The following PHLDB2 variants were observed in gnomAD, a reference collection of about 807,000 sequenced individuals.
PHLDB2 encodes pleckstrin homology like domain family B member 2.
A neutral mutation model predicts 123.6 loss-of-function variants in PHLDB2; 71 were observed. That is an observed-to-expected ratio of 0.57 (90% confidence interval 0.47 to 0.70). PHLDB2 has a LOEUF of 0.70. Among genes scored for constraint, PHLDB2 ranks in the 30% least tolerant of loss-of-function variants. The probability of loss-of-function intolerance (pLI) is 0.00; values close to 1 mark genes in which losing one functional copy is unlikely to be tolerated. For missense variants in PHLDB2, 1,446 were observed against 1,519.5 expected, an observed-to-expected ratio of 0.95 and a Z score of 0.80; for synonymous variants, 547 against 541.6, an observed-to-expected ratio of 1.01 and a Z score of -0.14.
chr3:111,913,505 T>G lies in PHLDB2; in HGVS notation c.1522T>G (p.Cys508Gly), dbSNP rs1326004050. ...CATGAGCCCTGACACAAGATACAGG[T>G]GCCACCGGAAAGACTCCCTCCCTGA... ...ALMSPDTRYRCHRKDSLPDAD... is the reference protein window; with the variant it reads ...ALMSPDTRYRGHRKDSLPDAD... Residue 508 changes from cysteine (C) to glycine (G), a missense_variant, in exon 3 of 18, where the codon TGC becomes GGC. By Grantham distance (159) the Cys-to-Gly change is radical (BLOSUM62 -3). Transcript: ENST00000431670. 1.9e-6 allele frequency: 3 copies of G among 1,613,936 alleles called. No individual in the cohort carries two copies. The highest frequency in any genetic ancestry group is 2.5e-6 in the Non-Finnish European group (3 of 1,179,986).
intron 2 of PHLDB2, among the ~76,000 whole-genome samples, chr3:111,886,437 A>AT (rs969019393): frequency 1.2e-4 from 16 of 135,786 alleles, no homozygotes; most frequent in African/African-American, 2.8e-4. Context: ...ACATTATGAG[A>AT]TTTTTTTTGC....
intron 12 of PHLDB2, among the ~76,000 whole-genome samples, chr3:111,961,615 TGA>T (rs755164246): frequency 7.2e-5 from 11 of 152,176 alleles, no homozygotes; most frequent in Non-Finnish European, 1.6e-4. Flanking sequence ...AGTGATGATA[TGA>T]GATACGAGTT....
intron 1 of PHLDB2, among the ~76,000 whole-genome samples, chr3:111,867,584 A>C (rs1396294059): frequency 6.6e-6 from 1 of 152,206 alleles, no homozygotes; most frequent in African/African-American, 2.4e-5. Flanking sequence ...AATAATTTAC[A>C]ATGTAACTCT....
At chr3:111,858,005 G>A (rs184432075), upstream of PHLDB2, among the ~76,000 whole-genome samples, 1 of 152,264 alleles carries the variant, frequency 6.6e-6, no homozygotes, top group Non-Finnish European at 1.5e-5. Flanking sequence ...ACATACAAAC[G>A]TATGTTTATT....
chr3:111,884,541 A>G lies in PHLDB2; in HGVS notation c.464A>G (p.His155Arg), dbSNP rs367884666. 4.3e-6 allele frequency: 7 copies of G among 1,614,092 alleles called. No homozygotes were observed. The African/African-American group carries it at 6.7e-5, about 15-fold the overall frequency. Residue 155 changes from histidine to arginine, a missense_variant, in exon 2 of 18, where the codon CAT becomes CGT. Transcript: ENST00000431670. ...CCCTATTCCAAATATAGCTCAAGGC[A>G]TAAATCGCATGACAATGTCTACTCT... ...KPPYSKYSSR[H>R]KSHDNVYSLG...
intron 2 of PHLDB2, among the ~76,000 whole-genome samples, chr3:111,911,246 A>C (rs920020004): frequency 6.6e-6 from 1 of 152,198 alleles, no homozygotes; most frequent in Non-Finnish European, 1.5e-5. Context: ...GATAATCCCA[A>C]ATATTTATGC....
chr3:111,773,495 C>T (rs1238945690), intron 1 of PHLDB2, among the ~76,000 whole-genome samples: 1 of 152,202 alleles, frequency 6.6e-6, no homozygotes, highest in East Asian at 1.9e-4. Flanking sequence ...TTCCTGACTT[C>T]TGATAGCTGT....
Position 111,969,731 on chromosome 3 carries a change from C to T in PHLDB2, c.3357C>T (p.Asp1119=), listed in dbSNP as rs774854. Reference sequence around the variant, plus strand: ...GCTACCTGCCTGTCCGGAAGGAAGACTTTGATTTGCGGAGCCATGTAGAGA... The same window carrying T: ...GCTACCTGCCTGTCCGGAAGGAAGATTTTGATTTGCGGAGCCATGTAGAGA... ...LTRYLPVRKE[D]FDLRSHVETA... Residue 1119 remains aspartate, a synonymous_variant, in exon 16 of 18, where the codon GAC becomes GAT. Coordinates refer to ENST00000431670, the MANE Select transcript of PHLDB2 (RefSeq NM_001134438.2). The T allele has an allele frequency of 0.19, 303,853 of 1,613,534 alleles. 29,944 individuals carry two copies. The highest frequency in any genetic ancestry group is 0.29 in the African/African-American group (21,583 of 74,956).
At chr3:111,919,266 A>G in intron 4 of PHLDB2, 51 bp downstream of exon 4, 1 of 1,588,578 alleles carries the variant, frequency 6.3e-7, no homozygotes, top group Non-Finnish European at 8.6e-7. Context: ...CAGCTTAAAA[A>G]TATTGCTACT....
intron 12 of PHLDB2, chr3:111,961,886 A>G (rs2071431340): frequency 1.9e-6 from 1 of 523,966 alleles, no homozygotes. Context: ...GTGTCAAGTG[A>G]TCCTGCTGAG....
rs1433512679 is a variant in PHLDB2 at position 111,859,552 on chromosome 3, G to C, written c.-39G>C. On this transcript the variant is annotated 5_prime_UTR_variant, in exon 1 of 18. Coordinates refer to ENST00000431670, the MANE Select transcript of PHLDB2 (RefSeq NM_001134438.2). ...AGCGCGCCTGCCTTCTCTCGCCGCC[G>C]GGAACGGGCTGCACCAATGGCCAGG... 4 of 985,584 alleles carry C rather than the reference G, an allele frequency of 4.1e-6. No homozygotes were observed. Among genetic ancestry groups the C allele is most frequent in the African/African-American group, 1.7e-5 (1 of 57,380 alleles). The allele number at this position is 985,584 out of a possible 1,614,324, so 61.1% of individuals were successfully genotyped here. A position where few individuals can be genotyped will look rare whatever the true frequency, so the allele number is the denominator to read the frequency against.
intron 1 of PHLDB2, among the ~76,000 whole-genome samples, chr3:111,741,543 G>C (rs1051555597): frequency 6.6e-6 from 1 of 151,492 alleles, no homozygotes; most frequent in East Asian, 1.9e-4. Flanking sequence ...GCATGTCTCT[G>C]TGTGTGTGTG....
intron 2 of PHLDB2, among the ~76,000 whole-genome samples, chr3:111,903,107 A>G (rs1259517296): frequency 6.6e-6 from 1 of 152,196 alleles, no homozygotes; most frequent in Non-Finnish European, 1.5e-5. Context: ...TAAAAGAACT[A>G]AATTTCTTCT....
chr3:111,885,248 G>T lies in PHLDB2; in HGVS notation c.1171G>T (p.Asp391Tyr). ...CTTCTCTTGTGGATCTGTGGAATTT[G>T]ATGAGGCAGATTTGGAAAGCCTCAG... ...RNFSCGSVEF[D>Y]EADLESLRQA... Residue 391 changes from aspartate (D) to tyrosine (Y), a missense_variant, in exon 2 of 18, where the codon GAT (aspartate) becomes TAT (tyrosine). Asp to Tyr is a radical substitution (Grantham distance 160). Coordinates refer to ENST00000431670, the MANE Select transcript of PHLDB2 (RefSeq NM_001134438.2). The T allele has an allele frequency of 6.2e-7, 1 of 1,614,152 alleles. No homozygotes were observed. The highest frequency in any genetic ancestry group is 8.5e-7 in the Non-Finnish European group (1 of 1,180,020).
chr3:111,849,781 T>G (rs2064168343), intron 2 of PHLDB2, among the ~76,000 whole-genome samples: 1 of 152,144 alleles, frequency 6.6e-6, no homozygotes, highest in Non-Finnish European at 1.5e-5. Context: ...AAATGTGGTA[T>G]AGATACACCA....
At chr3:111,885,599 G>A (rs2066121274) in intron 2 of PHLDB2, 187 bp downstream of exon 2, 3 of 829,700 alleles carry the variant, frequency 3.6e-6, no homozygotes, top group Non-Finnish European at 6.0e-6. Flanking sequence ...AGGCTTGTTT[G>A]GCTATCTTGA....
At chr3:111,749,690 A>C (rs2059738032) in intron 1 of PHLDB2, among the ~76,000 whole-genome samples, 1 of 152,240 alleles carries the variant, frequency 6.6e-6, no homozygotes, top group African/African-American at 2.4e-5. Flanking sequence ...ATATGCTGCC[A>C]GTAGTACTTT....
At chr3:111,815,281 A>C (rs1363867593) in intron 1 of PHLDB2, among the ~76,000 whole-genome samples, 2 of 152,212 alleles carry the variant, frequency 1.3e-5, no homozygotes, top group Non-Finnish European at 2.9e-5. Context: ...TGCTGAGAAG[A>C]TACCCAGAAA....
intron 1 of PHLDB2, among the ~76,000 whole-genome samples, chr3:111,861,367 T>C (rs2064829261): frequency 6.6e-6 from 1 of 152,248 alleles, no homozygotes; most frequent in East Asian, 1.9e-4. Flanking sequence ...ACATTACATG[T>C]ACTTAAATTC....
Sources: gnomAD v4.1 joint callset for allele counts (sites outside exome capture counted in the v4.1 genomes callset) on GRCh38, gnomAD v4.1.1 for gene constraint, MANE v1.5 for transcripts, NCBI Gene and HGNC (gene_info 2026-07-23, HGNC 2026-07-21) for gene names.